PKP2: variants seen among roughly 807,000 people sequenced by gnomAD.
PKP2 encodes plakophilin 2, also known as plakophilin-2.
Under a neutral mutation model 83.4 loss-of-function variants are expected in PKP2, and 73 were observed. The observed-to-expected ratio is 0.88, with a 90% CI of 0.72 to 1.06. The LOEUF (loss-of-function observed/expected upper bound fraction) is 1.06, where lower values mean the gene tolerates loss of function less well. Among genes scored for constraint, PKP2 ranks in the 50% least tolerant of loss-of-function variants. The pLI is 0.00. For synonymous variants in PKP2, 409 were observed against 430.4 expected (o/e 0.95, Z 0.62); for missense variants, 966 against 1,065.4 (o/e 0.91, Z 1.30).
intron 3 of PKP2, among the ~76,000 whole-genome samples, chr12:32,874,812 C>G (rs1956919590): frequency 6.6e-6 from 1 of 152,124 alleles, no homozygotes; most frequent in East Asian, 1.9e-4. Context: ...ACAATCACAG[C>G]TCACTGTAGC....
Position 32,790,845 on chromosome 12 carries a change from C to T in PKP2, c.*1579G>A, listed in dbSNP as rs1190392451. 2.0e-5 allele frequency: 3 copies of T among 152,038 alleles called. 1 individual carries two copies. Among genetic ancestry groups the T allele is most frequent in the Non-Finnish European group, 4.4e-5 (3 of 68,000 alleles). 9.4% of individuals were successfully genotyped at this position (152,038 alleles called of 1,614,324 possible). On this transcript the variant is annotated 3_prime_UTR_variant, in exon 13 of 13. Transcript: ENST00000340811. ...CATTTATTATCTGGAGGAATAAATG[C>T]ACTCCAAATGCTTATCATCAGAACT... is the stretch of plus-strand genomic sequence containing the variant.
intron 4 of PKP2, among the ~76,000 whole-genome samples, chr12:32,862,081 GA>G (rs1956804174): frequency 6.6e-6 from 1 of 152,088 alleles, no homozygotes; most frequent in Non-Finnish European, 1.5e-5. Flanking sequence ...ATTTTTAGTA[GA>G]GACAGGGTTT....
At chr12:32,892,753 C>T (rs570292670) in intron 1 of PKP2, among the ~76,000 whole-genome samples, 1 of 124,822 alleles carries the variant, frequency 8.0e-6, no homozygotes, top group Admixed American at 1.1e-4. Context: ...GTTCACTGTC[C>T]TTTATAAGTA....
intron 1 of PKP2, among the ~76,000 whole-genome samples, chr12:32,885,659 G>T (rs894413064): frequency 1.4e-5 from 2 of 141,932 alleles, no homozygotes; most frequent in African/African-American, 5.5e-5. Flanking sequence ...GCAAGATTCC[G>T]TCCCCCCCCC....
At chr12:32,796,322 A>C in intron 10 of PKP2, 24 bp from the exon 11 acceptor site, 4 of 1,555,798 alleles carry the variant, frequency 2.6e-6, no homozygotes, top group South Asian at 1.1e-5. Context: ...AAAAAAACAA[A>C]ACACTTGATT....
chr12:32,811,941 G>C (rs970412743), intron 9 of PKP2, among the ~76,000 whole-genome samples: 1 of 152,084 alleles, frequency 6.6e-6, no homozygotes, highest in African/African-American at 2.4e-5. Flanking sequence ...AAACACAGTT[G>C]AGTCATGCAT....
At chr12:32,828,087 G>A (rs534348887) in intron 6 of PKP2, among the ~76,000 whole-genome samples, 1 of 152,336 alleles carries the variant, frequency 6.6e-6, no homozygotes, top group African/African-American at 2.4e-5. Context: ...ATGGGAAGAC[G>A]CCAGTTTGAC....
chr12:32,892,235 C>CT (rs1012292214), intron 1 of PKP2, among the ~76,000 whole-genome samples: 7 of 151,584 alleles, frequency 4.6e-5, no homozygotes, highest in African/African-American at 9.7e-5. Flanking sequence ...CAATGTCTAA[C>CT]TTTTTTTTAA....
chr12:32,825,317 C>T lies in PKP2; in HGVS notation c.1557-1155G>A, dbSNP rs953475241. Among the ~76,000 whole-genome samples, 17 of 151,922 alleles carry T rather than the reference C, an allele frequency of 1.1e-4. No individual in the cohort carries two copies. In the South Asian group the frequency reaches 1.5e-3, roughly 13 times the overall value. On this transcript the variant is annotated intron_variant, in intron 6 of 12. Coordinates refer to ENST00000340811, the MANE Select transcript of PKP2 (RefSeq NM_001005242.3). Reference sequence around the variant, plus strand: ...CCGAGTAGCTGGGACTACAGGCGTGCGTCACTATGCCCAGCTAATTTTTGT... The same window carrying T: ...CCGAGTAGCTGGGACTACAGGCGTGTGTCACTATGCCCAGCTAATTTTTGT...
intron 9 of PKP2, among the ~76,000 whole-genome samples, chr12:32,810,358 AT>A (rs34150100): frequency 0.7 from 105,694 of 151,414 alleles, 38,729 homozygotes; most frequent in East Asian, 0.86. Flanking sequence ...TTCAGCCATC[AT>A]TTTTTTTTCT....
intron 4 of PKP2, among the ~76,000 whole-genome samples, chr12:32,864,134 A>G (rs138502647): frequency 3.2e-3 from 482 of 152,274 alleles, no homozygotes; most frequent in African/African-American, 0.011. Flanking sequence ...CAGGAGTAGA[A>G]GGGAAGTTCT....
chr12:32,812,112 G>GTT (rs10581524), intron 9 of PKP2, among the ~76,000 whole-genome samples: 11 of 126,978 alleles, frequency 8.7e-5, no homozygotes, highest in African/African-American at 2.0e-4. Context: ...AGCTGGGAGG[G>GTT]TTTTTTTTTT....
intron 9 of PKP2, among the ~76,000 whole-genome samples, chr12:32,815,716 T>C (rs1956314450): frequency 6.6e-6 from 1 of 152,240 alleles, no homozygotes. Context: ...TGCTGAGATA[T>C]AATAAAGAGC....
At chr12:32,802,137 C>G (rs1956186125) in intron 10 of PKP2, among the ~76,000 whole-genome samples, 1 of 151,764 alleles carries the variant, frequency 6.6e-6, no homozygotes, top group Non-Finnish European at 1.5e-5. Flanking sequence ...TATTACTTAT[C>G]TTGTTAATTA....
rs758069762 is a variant in PKP2 at position 32,896,763 on chromosome 12, T to A, written c.-32A>T. On this transcript the variant is annotated 5_prime_UTR_variant, in exon 1 of 13. Coordinates refer to ENST00000340811, the MANE Select transcript of PKP2 (RefSeq NM_001005242.3). ...GGTGGGGGCGACCGAGCTGCTCGCC[T>A]GCCTCTGGACTCGCGGGCGAAGCCG... 2 of 1,225,822 alleles carry A rather than the reference T, an allele frequency of 1.6e-6. No homozygotes were observed. Among genetic ancestry groups the A allele is most frequent in the Admixed American group, 2.8e-5 (1 of 35,964 alleles). 75.9% of individuals were successfully genotyped at this position (1,225,822 alleles called of 1,614,324 possible).
chr12:32,852,986 A>G (rs776987225), intron 4 of PKP2, among the ~76,000 whole-genome samples: 25 of 152,140 alleles, frequency 1.6e-4, no homozygotes, highest in Non-Finnish European at 1.8e-4. Context: ...TGGGAGGCTG[A>G]GGCAGGAGAT....
chr12:32,849,974 C>T (rs1956682007), intron 5 of PKP2, among the ~76,000 whole-genome samples: 1 of 152,182 alleles, frequency 6.6e-6, no homozygotes, highest in South Asian at 2.1e-4. Flanking sequence ...TTCTATAGAT[C>T]CAGCAAGCTG....
In PKP2 at chr12:32,824,127, G is replaced by C. The variant is rs752815624; in HGVS notation, c.1592C>G (p.Ala531Gly). 2 of 1,613,098 alleles carry C rather than the reference G, an allele frequency of 1.2e-6. No homozygotes were observed. Among genetic ancestry groups the C allele is most frequent in the Non-Finnish European group, 1.7e-6 (2 of 1,179,408 alleles). The change falls in exon 7 of 13, where the codon GCG becomes GGG. Residue 531 changes from alanine (A) to glycine (G), a missense_variant. Coordinates refer to ENST00000340811, the MANE Select transcript of PKP2 (RefSeq NM_001005242.3). ...MSSAGADGRKAMRRCDGLIDS... is the reference protein window; with the variant it reads ...MSSAGADGRKGMRRCDGLIDS... Reference sequence around the variant, plus strand: ...AATGAGTCCGTCACATCTTCTCATCGCTTTTCTCCCATCAGCGCCAGCAGA... The same window carrying C: ...AATGAGTCCGTCACATCTTCTCATCCCTTTTCTCCCATCAGCGCCAGCAGA...
chr12:32,813,403 C>T (rs915036611), intron 9 of PKP2, among the ~76,000 whole-genome samples: 1 of 152,120 alleles, frequency 6.6e-6, no homozygotes, highest in African/African-American at 2.4e-5. Flanking sequence ...TAAACTGAGC[C>T]TGCTTAATAT....
Sources: allele counts gnomAD v4.1 joint callset (sites outside exome capture counted in the v4.1 genomes callset), GRCh38; gene constraint gnomAD v4.1.1; transcripts MANE v1.5; gene names NCBI Gene and HGNC (gene_info 2026-07-23, HGNC 2026-07-21).